Variants in ABTB3 observed in about 807,000 individuals in gnomAD.
ABTB3 encodes the protein ankyrin repeat and BTB domain containing 3.
chr12:107,361,300 A>G, the ABTB3 span, among the ~76,000 whole-genome samples: 1 of 152,148 alleles, frequency 6.6e-6, no homozygotes, highest in Non-Finnish European at 1.5e-5. Flanking sequence ...TCCTTACAAG[A>G]TAGAATCATA....
At chr12:107,587,515 G>T in the ABTB3 span, among the ~76,000 whole-genome samples, 2,565 of 152,286 alleles carry the variant, frequency 0.017, 73 homozygotes, top group African/African-American at 0.056. Flanking sequence ...TGGCGGGGGA[G>T]CAGGAATGGG....
the ABTB3 span, among the ~76,000 whole-genome samples, chr12:107,434,728 G>C: frequency 6.6e-6 from 1 of 152,178 alleles, no homozygotes; most frequent in East Asian, 1.9e-4. Context: ...GCAGGTCATG[G>C]TGGTGTTCAC....
chr12:107,365,246 A>C, the ABTB3 span, among the ~76,000 whole-genome samples: 20 of 152,338 alleles, frequency 1.3e-4, no homozygotes, highest in South Asian at 4.1e-3. Flanking sequence ...CGTGATACAA[A>C]GTTGAGTGTT....
the ABTB3 span, among the ~76,000 whole-genome samples, chr12:107,424,342 C>T: frequency 2.9e-3 from 442 of 152,292 alleles, 3 homozygotes; most frequent in African/African-American, 0.01. Context: ...ACCCCTCACC[C>T]ACTGCAGGTA....
chr12:107,528,936 G>T, the ABTB3 span, among the ~76,000 whole-genome samples: 2 of 151,834 alleles, frequency 1.3e-5, no homozygotes, highest in Admixed American at 6.6e-5. Flanking sequence ...TGATGATGAT[G>T]GAGATGATGA....
At chr12:107,398,507 C>T in the ABTB3 span, among the ~76,000 whole-genome samples, 2 of 152,248 alleles carry the variant, frequency 1.3e-5, no homozygotes, top group Admixed American at 6.5e-5. Flanking sequence ...CTTTGAGAAG[C>T]AGCATTTTCA....
chr12:107,427,211 G>T, the ABTB3 span, among the ~76,000 whole-genome samples: 2 of 152,028 alleles, frequency 1.3e-5, no homozygotes, highest in Non-Finnish European at 2.9e-5. Flanking sequence ...TTGGCTTGTG[G>T]GTGCACCACT....
At chr12:107,554,659 G>C in the ABTB3 span, among the ~76,000 whole-genome samples, 3 of 152,160 alleles carry the variant, frequency 2.0e-5, no homozygotes, top group Non-Finnish European at 4.4e-5. Flanking sequence ...TTAATGACTT[G>C]AATCACCTGG....
the ABTB3 span, among the ~76,000 whole-genome samples, chr12:107,626,359 T>C: frequency 2.0e-5 from 3 of 148,960 alleles, no homozygotes; most frequent in Non-Finnish European, 4.5e-5. Flanking sequence ...TTTTTTTTTT[T>C]TTTTGAGATA....
At chr12:107,640,113 T>C in the ABTB3 span, among the ~76,000 whole-genome samples, 1 of 152,166 alleles carries the variant, frequency 6.6e-6, no homozygotes, top group East Asian at 1.9e-4. Flanking sequence ...GCTATAAGGA[T>C]TTCCTATGAA....
At chr12:107,646,425 G>A in the ABTB3 span, among the ~76,000 whole-genome samples, 3 of 148,558 alleles carry the variant, frequency 2.0e-5, no homozygotes, top group Non-Finnish European at 4.5e-5. Context: ...TCATTCTTAA[G>A]GCTCTTATTG....
At chr12:107,440,492 C>A in the ABTB3 span, among the ~76,000 whole-genome samples, 1 of 152,238 alleles carries the variant, frequency 6.6e-6, no homozygotes, top group African/African-American at 2.4e-5. Flanking sequence ...TTTGCTAGGG[C>A]CCCTCCCTTA....
chr12:107,601,170 C>T, the ABTB3 span, among the ~76,000 whole-genome samples: 1 of 152,140 alleles, frequency 6.6e-6, no homozygotes, highest in Non-Finnish European at 1.5e-5. Context: ...CCCTGTTTTG[C>T]AGAGGGGGAG....
At chr12:107,508,383 A>T in the ABTB3 span, among the ~76,000 whole-genome samples, 1 of 141,526 alleles carries the variant, frequency 7.1e-6, no homozygotes, top group African/African-American at 2.6e-5. Context: ...CTGCCCCCTC[A>T]TTATTTTACC....
chr12:107,583,335 C>T, the ABTB3 span, among the ~76,000 whole-genome samples: 2 of 152,158 alleles, frequency 1.3e-5, no homozygotes, highest in African/African-American at 2.4e-5. Context: ...GCCTTTAATA[C>T]TTTCTCATAA....
At chr12:107,403,250 A>G in the ABTB3 span, among the ~76,000 whole-genome samples, 13 of 152,320 alleles carry the variant, frequency 8.5e-5, no homozygotes, top group South Asian at 2.1e-4. Flanking sequence ...AGAAATGTTC[A>G]TATCGCCCAT....
the ABTB3 span, chr12:107,642,002 T>G: frequency 8.4e-7 from 1 of 1,188,538 alleles, no homozygotes; most frequent in African/African-American, 1.5e-5. Context: ...AGAAACAAGG[T>G]ATTTCCATTG....
chr12:107,634,145 T>C, the ABTB3 span, among the ~76,000 whole-genome samples: 2 of 152,202 alleles, frequency 1.3e-5, no homozygotes, highest in Non-Finnish European at 2.9e-5. Flanking sequence ...TTGAAGGGTT[T>C]GGATTTTCTT....
the ABTB3 span, among the ~76,000 whole-genome samples, chr12:107,634,219 C>A: frequency 1.3e-5 from 2 of 152,208 alleles, no homozygotes; most frequent in Admixed American, 1.3e-4. Context: ...TTAAGAACAG[C>A]TTGAACCACT....
Sources: gnomAD v4.1 joint callset for allele counts (sites outside exome capture counted in the v4.1 genomes callset) on GRCh38, gnomAD v4.1.1 for gene constraint, MANE v1.5 for transcripts, NCBI Gene and HGNC (gene_info 2026-07-23, HGNC 2026-07-21) for gene names.